The following SPHKAP variants were observed in gnomAD, a reference collection of about 807,000 sequenced individuals.
SPHKAP encodes the protein SPHK1 interactor, AKAP domain containing, also known as A-kinase anchor protein SPHKAP.
A neutral mutation model predicts 137.5 loss-of-function variants in SPHKAP; 67 were observed. That is an observed-to-expected ratio of 0.49 (90% CI 0.40 to 0.60). SPHKAP has a LOEUF of 0.60. Ranked by LOEUF, SPHKAP falls within the 20% of genes least tolerant of loss-of-function variation. SPHKAP has a pLI of 0.00. For synonymous variants in SPHKAP, 813 were observed against 785.3 expected (o/e 1.04, Z -0.59); for missense variants, 2,097 against 2,069.3 (o/e 1.01, Z -0.26).
chr2:228,063,573 G>T (rs1574814700), intron 3 of SPHKAP, among the ~76,000 whole-genome samples: 2 of 152,126 alleles, frequency 1.3e-5, no homozygotes, highest in East Asian at 3.8e-4. Flanking sequence ...AGTTGTAACT[G>T]GACAATATTA....
rs115503383 is a variant in SPHKAP, at chr2:228,174,505, G to T, written c.32+7062C>A. ...AATCCTAGAGACCAAGTTCTGGCTC[G>T]GTCACTCACTACATGAGTAAACTTT... On this transcript the variant is annotated intron_variant, in intron 1 of 11. Transcript: ENST00000392056. 2.9e-3 allele frequency among the ~76,000 whole-genome samples: 437 copies of T among 152,160 alleles called. 2 individuals are homozygous for T. The highest frequency in any genetic ancestry group is 4.9e-3 in the Non-Finnish European group (334 of 68,004).
At chr2:228,045,961 T>A (rs1162403456) in intron 3 of SPHKAP, among the ~76,000 whole-genome samples, 2 of 152,078 alleles carry the variant, frequency 1.3e-5, no homozygotes, top group African/African-American at 4.8e-5. Flanking sequence ...ACTTTCAGTT[T>A]TAAGATGAAT....
chr2:227,981,876 G>C lies in SPHKAP; in HGVS notation c.4960-16C>G, dbSNP rs1466428938. The stretch of plus-strand genomic sequence containing the variant: ...CATCTAGAAACTAAAATAAAACGGA[G>C]AGTTAGGGCTCACAGAGCACAGAGG... On this transcript the variant is annotated splice_polypyrimidine_tract_variant and intron_variant, in intron 11 of 11. Coordinates refer to ENST00000392056, the MANE Select transcript of SPHKAP (RefSeq NM_001142644.2). 3 of 1,610,154 alleles carry C rather than the reference G, an allele frequency of 1.9e-6. No individual in the cohort carries two copies. The highest frequency in any genetic ancestry group is 3.4e-5 in the Admixed American group (2 of 59,694).
chr2:228,094,548 G>A (rs1258505737), intron 3 of SPHKAP, among the ~76,000 whole-genome samples: 1 of 152,186 alleles, frequency 6.6e-6, no homozygotes, highest in Admixed American at 6.5e-5. Context: ...TCTGACAGAT[G>A]ATTATTGAAA....
intron 1 of SPHKAP, among the ~76,000 whole-genome samples, chr2:228,154,482 C>CTCTCTCTCTCTCTCTCTCTA (rs1491142443): frequency 3.0e-5 from 1 of 33,554 alleles, no homozygotes; most frequent in African/African-American, 1.2e-4. Flanking sequence ...TGTAAATAAA[C>CTCTCTCTCTCTCTCTCTCTA]TCTCTCTCTC....
At chr2:228,016,353 A>C in intron 7 of SPHKAP, 53 bp downstream of exon 7, 1 of 1,504,598 alleles carries the variant, frequency 6.6e-7, no homozygotes, top group South Asian at 1.4e-5. Context: ...ACACTGATTA[A>C]GACGCAAACT....
At chr2:228,061,856 A>T (rs1696647885) in intron 3 of SPHKAP, among the ~76,000 whole-genome samples, 1 of 152,160 alleles carries the variant, frequency 6.6e-6, no homozygotes, top group Non-Finnish European at 1.5e-5. Context: ...TCATTTAAAG[A>T]CTAAGAGCTC....
chr2:228,066,000 G>A (rs1453680648), intron 3 of SPHKAP, among the ~76,000 whole-genome samples: 1 of 152,190 alleles, frequency 6.6e-6, no homozygotes, highest in Non-Finnish European at 1.5e-5. Flanking sequence ...AGAAGCTAAG[G>A]AGCAGTGGGA....
chr2:228,060,728 T>G (rs146473310), intron 3 of SPHKAP, among the ~76,000 whole-genome samples: 2 of 152,300 alleles, frequency 1.3e-5, no homozygotes, highest in Admixed American at 1.3e-4. Flanking sequence ...TGGGTTCAAA[T>G]GGTGGTTTGG....
chr2:228,060,594 TGTTTTTC>T, intron 3 of SPHKAP, among the ~76,000 whole-genome samples: 1 of 152,124 alleles, frequency 6.6e-6, no homozygotes, highest in Non-Finnish European at 1.5e-5. Flanking sequence ...CAAACAAGGG[TGTTTTTC>T]TTTGTAACTA....
intron 3 of SPHKAP, among the ~76,000 whole-genome samples, chr2:228,047,957 C>G (rs556571438): frequency 1.3e-5 from 2 of 152,256 alleles, no homozygotes; most frequent in South Asian, 4.1e-4. Flanking sequence ...AAGGAGAGTA[C>G]ACTGGGAGAG....
intron 6 of SPHKAP, 53 bp downstream of exon 6, chr2:228,021,658 G>C: frequency 6.4e-7 from 1 of 1,557,110 alleles, no homozygotes; most frequent in Non-Finnish European, 8.7e-7. Flanking sequence ...ATCTCACCAA[G>C]ACATTTTTAT....
chr2:228,120,028 A>T (rs575592395), intron 2 of SPHKAP, among the ~76,000 whole-genome samples: 9 of 152,296 alleles, frequency 5.9e-5, no homozygotes, highest in Admixed American at 5.9e-4. Context: ...AAAGTGTTGT[A>T]AAATAATGGA....
chr2:228,153,338 T>G (rs1218618039), intron 1 of SPHKAP, among the ~76,000 whole-genome samples: 1 of 152,360 alleles, frequency 6.6e-6, no homozygotes, highest in Middle Eastern at 3.4e-3. Context: ...TTTTTATTTC[T>G]TTTTGTATTT....
At chr2:228,021,667 A>C in intron 6 of SPHKAP, 44 bp downstream of exon 6, 1 of 1,564,656 alleles carries the variant, frequency 6.4e-7, no homozygotes, top group Non-Finnish European at 8.6e-7. Flanking sequence ...AGACATTTTT[A>C]TACGGGGACT....
chr2:228,113,706 G>A (rs1698602194), intron 2 of SPHKAP, among the ~76,000 whole-genome samples: 1 of 148,482 alleles, frequency 6.7e-6, no homozygotes, highest in Non-Finnish European at 1.5e-5. Flanking sequence ...TGTTAACTGT[G>A]TAGTTAAGTC....
chr2:228,137,406 G>A (rs978125300), intron 1 of SPHKAP, among the ~76,000 whole-genome samples: 18 of 152,222 alleles, frequency 1.2e-4, no homozygotes, highest in Middle Eastern at 3.2e-3. Context: ...CAGTTGGTGA[G>A]ATAAGCCACA....
intron 3 of SPHKAP, among the ~76,000 whole-genome samples, chr2:228,027,782 A>G (rs564490737): frequency 1.3e-5 from 2 of 152,112 alleles, no homozygotes; most frequent in Admixed American, 6.5e-5. Flanking sequence ...CCTGGCCAAC[A>G]TGGTGAAACA....
At chr2:228,078,849 C>A (rs955432211) in intron 3 of SPHKAP, among the ~76,000 whole-genome samples, 3 of 152,134 alleles carry the variant, frequency 2.0e-5, no homozygotes, top group Admixed American at 2.0e-4. Context: ...CCTCAGACCT[C>A]AAAACCAGGC....
Sources: allele counts gnomAD v4.1 joint callset (sites outside exome capture counted in the v4.1 genomes callset), GRCh38; gene constraint gnomAD v4.1.1; transcripts MANE v1.5; gene names NCBI Gene and HGNC (gene_info 2026-07-23, HGNC 2026-07-21).